ENTPD7: variants seen among roughly 807,000 people sequenced by gnomAD.
The protein encoded by ENTPD7 is NTPDase 7.
A neutral mutation model predicts 77.9 loss-of-function variants in ENTPD7; 53 were observed. The observed-to-expected ratio is 0.68, with a 90% CI of 0.55 to 0.85. The LOEUF is 0.85. Ranked by LOEUF, ENTPD7 falls within the 40% of genes least tolerant of loss-of-function variation. ENTPD7 has a pLI of 0.00. For synonymous variants in ENTPD7, 248 were observed against 274.9 expected, an observed-to-expected ratio of 0.90 and a Z score of 0.97; for missense variants, 636 against 743.7, an observed-to-expected ratio of 0.86 and a Z score of 1.68.
In ENTPD7 at chr10:99,692,318, C is replaced by G. The variant is rs1369058014; in HGVS notation, c.843+800C>G. Among the ~76,000 whole-genome samples, 3 of 152,188 alleles carry G rather than the reference C, an allele frequency of 2.0e-5. No homozygotes were observed. The East Asian group carries it at 5.8e-4, about 29-fold the overall frequency. ...TATACCAGATGTCAGTAACAACCCT[C>G]CCCCTTCCAGTTGTGACAATCAAAA... On this transcript the variant is annotated intron_variant, in intron 8 of 12. Transcript: ENST00000370489.
At chr10:99,677,871 G>GT (rs2035704889) in intron 3 of ENTPD7, among the ~76,000 whole-genome samples, 1 of 152,142 alleles carries the variant, frequency 6.6e-6, no homozygotes, top group Non-Finnish European at 1.5e-5. Flanking sequence ...TCTGAGAGAA[G>GT]TTTATTAACT....
At position 99,685,842 on chromosome 10, in the gene ENTPD7, T is replaced by G. The variant is rs201287793; in HGVS notation, c.599T>G (p.Phe200Cys). Residue 200 changes from phenylalanine (F) to cysteine (C), a missense_variant, in exon 6 of 13, where the codon TTT (phenylalanine) becomes TGT (cysteine). Transcript: ENST00000370489. ...CTAGTGAAAGATTTACCACTGGAGT[T>G]TGACTTCCTCTTTTCACAGTCTCAA... ...ADLVKDLPLE[F>C]DFLFSQSQAE... is the part of the protein sequence containing the mutation. 21 of 1,613,868 alleles carry G rather than the reference T, an allele frequency of 1.3e-5. No individual in the cohort carries two copies. Among genetic ancestry groups the G allele is most frequent in the Non-Finnish European group, 1.7e-5 (20 of 1,179,974 alleles).
At chr10:99,694,358 T>G (rs1320209833) in intron 8 of ENTPD7, among the ~76,000 whole-genome samples, 2 of 152,226 alleles carry the variant, frequency 1.3e-5, no homozygotes, top group African/African-American at 4.8e-5. Context: ...TCTCGTGGTA[T>G]GGGTATTTCA....
In ENTPD7 at chr10:99,701,026, CT is replaced by C; in HGVS notation, c.1393del (p.Ser465HisfsTer133). On this transcript the variant is annotated frameshift_variant, in exon 11 of 13. Transcript: ENST00000370489. LOFTEE classifies it high-confidence loss of function. ...TAACTCAGAGATTCAAGAATGGCCT[CT>C]TTTCATCACATGCAGATGAGCATCG... ...VLTQRFKNGL[F>X]SSHADEHRLK... 4 of 1,614,112 alleles carry C rather than the reference CT, an allele frequency of 2.5e-6. No individual in the cohort carries two copies. Among genetic ancestry groups the C allele is most frequent in the Non-Finnish European group, 3.4e-6 (4 of 1,179,988 alleles).
chr10:99,670,691 A>C (rs2035609566), intron 3 of ENTPD7, among the ~76,000 whole-genome samples: 1 of 152,204 alleles, frequency 6.6e-6, no homozygotes, highest in African/African-American at 2.4e-5. Context: ...ATATATAAAA[A>C]TAGAAAAGGT....
intron 3 of ENTPD7, among the ~76,000 whole-genome samples, chr10:99,677,569 T>C (rs964966899): frequency 6.6e-6 from 1 of 152,152 alleles, no homozygotes; most frequent in African/African-American, 2.4e-5. Flanking sequence ...TTCACCATGT[T>C]GGCCAGGCTG....
In ENTPD7 at chr10:99,659,736, C is replaced by T. The variant is rs2035452638; in HGVS notation, c.-95-126C>T. The T allele has an allele frequency of 1.3e-5, 7 of 559,052 alleles. No homozygotes were observed. The South Asian group carries it at 1.6e-4, about 13-fold the overall frequency. The allele number at this position is 559,052 out of a possible 1,614,324, so 34.6% of individuals were successfully genotyped here. Reference sequence around the variant, plus strand: ...GCTCCCAGGATGCCCGGGTAGGGTCCCCTGGGCCTGAGGAACCAGAGCAGA... The same window carrying T: ...GCTCCCAGGATGCCCGGGTAGGGTCTCCTGGGCCTGAGGAACCAGAGCAGA... On this transcript the variant is annotated intron_variant, in intron 1 of 12. Coordinates refer to ENST00000370489, the MANE Select transcript of ENTPD7 (RefSeq NM_020354.5). The surrounding 1 kb of genome is among the most constrained non-coding windows in gnomAD (Gnocchi z 4.1).
intron 3 of ENTPD7, among the ~76,000 whole-genome samples, chr10:99,663,713 G>A (rs570218254): frequency 1.3e-5 from 2 of 152,002 alleles, no homozygotes; most frequent in South Asian, 2.1e-4. Context: ...CTCCTGCCTC[G>A]GCCTCCCAAA....
At chr10:99,702,062 A>C (rs1469498500) in intron 11 of ENTPD7, among the ~76,000 whole-genome samples, 2 of 151,626 alleles carry the variant, frequency 1.3e-5, no homozygotes, top group Non-Finnish European at 3.0e-5. Context: ...AAAAAACAAA[A>C]ATTGTTTTAA....
At chr10:99,690,185 T>C (rs1254671166) in intron 7 of ENTPD7, among the ~76,000 whole-genome samples, 28 of 152,210 alleles carry the variant, frequency 1.8e-4, no homozygotes, top group Admixed American at 1.8e-3. Flanking sequence ...TATTCCAGGG[T>C]CATCTTGTAT....
intron 9 of ENTPD7, among the ~76,000 whole-genome samples, chr10:99,697,104 C>T (rs1042147205): frequency 1.4e-4 from 22 of 152,166 alleles, no homozygotes; most frequent in African/African-American, 4.6e-4. Context: ...CTTATATTTA[C>T]GGCATGTTGA....
In ENTPD7 at chr10:99,690,107, G is replaced by A. The variant is rs976806095; in HGVS notation, c.710-1278G>A. ...TATTTTAAGGAGCATCTTTAGGTTGGCTGCTGTATCCTTTTAATATGACCC... is the reference window on the plus strand; with the variant it reads ...TATTTTAAGGAGCATCTTTAGGTTGACTGCTGTATCCTTTTAATATGACCC... On this transcript the variant is annotated intron_variant, in intron 7 of 12. Transcript: ENST00000370489. 3.9e-5 allele frequency among the ~76,000 whole-genome samples: 6 copies of A among 152,264 alleles called. No individual in the cohort carries two copies. In the East Asian group the frequency reaches 1.2e-3, roughly 29 times the overall value.
intron 3 of ENTPD7, among the ~76,000 whole-genome samples, chr10:99,662,189 G>T (rs2035496254): frequency 6.6e-6 from 1 of 152,084 alleles, no homozygotes; most frequent in African/African-American, 2.4e-5. Context: ...TGATTATTTA[G>T]TATGTTTAGT....
At chr10:99,660,207 A>G (rs2035460760) in intron 2 of ENTPD7, 1 of 699,948 alleles carries the variant, frequency 1.4e-6, no homozygotes, top group African/African-American at 1.9e-5. Flanking sequence ...GTAAAGTGCA[A>G]GGTTGTAACA....
At chr10:99,704,291 G>A (rs1336270738) in intron 12 of ENTPD7, among the ~76,000 whole-genome samples, 161 bp from the exon 13 acceptor site, 1 of 152,158 alleles carries the variant, frequency 6.6e-6, no homozygotes, top group Non-Finnish European at 1.5e-5. Context: ...CCTGGGGCGG[G>A]GGATGTTCTT....
intron 7 of ENTPD7, 141 bp downstream of exon 7, chr10:99,688,891 G>C: frequency 1.3e-6 from 1 of 759,938 alleles, no homozygotes; most frequent in Middle Eastern, 2.5e-4. Context: ...GTCCTAATTT[G>C]CTTTCTTTGA....
chr10:99,674,211 T>C (rs2035652897), intron 3 of ENTPD7, among the ~76,000 whole-genome samples: 1 of 152,214 alleles, frequency 6.6e-6, no homozygotes, highest in African/African-American at 2.4e-5. Context: ...AGAACAGTGG[T>C]TCTCAAGAGT....
chr10:99,660,096 G>A lies in ENTPD7; in HGVS notation c.8+132G>A. 2.2e-6 allele frequency: 3 copies of A among 1,371,762 alleles called. No individual in the cohort carries two copies. The South Asian group carries it at 3.7e-5, about 17-fold the overall frequency. 85.0% of individuals were successfully genotyped at this position (1,371,762 alleles called of 1,614,324 possible). ...TTGGACTTTGTATTCTGGTTAGTTG[G>A]ATGCAGAGACGATCAAAGTTGTATT... On this transcript the variant is annotated intron_variant, in intron 2 of 12. Coordinates refer to ENST00000370489, the MANE Select transcript of ENTPD7 (RefSeq NM_020354.5).
intron 5 of ENTPD7, among the ~76,000 whole-genome samples, chr10:99,685,434 A>T (rs371042049): frequency 3.6e-4 from 55 of 152,296 alleles, no homozygotes; most frequent in African/African-American, 1.3e-3. Flanking sequence ...ATGTAATTAC[A>T]TCAATTTTAT....
Sources: allele counts gnomAD v4.1 joint callset (sites outside exome capture counted in the v4.1 genomes callset), GRCh38; gene constraint gnomAD v4.1.1; non-coding constraint Gnocchi (gnomAD v3.1); transcripts MANE v1.5; gene names NCBI Gene and HGNC (gene_info 2026-07-23, HGNC 2026-07-21).